The following PDE1C variants were observed in gnomAD, a reference collection of about 807,000 sequenced individuals.
The protein encoded by PDE1C is phosphodiesterase 1C, also known as dual specificity calcium/calmodulin-dependent 3',5'-cyclic nucleotide phosphodiesterase 1C.
PDE1C carries 62 observed loss-of-function variants against 93.1 expected under a neutral mutation model. The ratio of observed to expected loss-of-function variants is 0.67; its 90% CI spans 0.54 to 0.82. PDE1C has a LOEUF of 0.82. Among genes scored for constraint, PDE1C ranks in the 40% least tolerant of loss-of-function variants. The pLI is 0.00. For synonymous variants in PDE1C, 325 were observed against 310.1 expected (o/e 1.05, Z -0.50); for missense variants, 742 against 884.6 (o/e 0.84, Z 2.04).
intron 15 of PDE1C, among the ~76,000 whole-genome samples, chr7:31,812,994 AG>A (rs757467092): frequency 1.5e-4 from 23 of 152,128 alleles, no homozygotes; most frequent in South Asian, 4.1e-4. Flanking sequence ...CATGGGAATG[AG>A]TTTTTCTACC....
chr7:31,791,678 C>T (rs1208179100), intron 16 of PDE1C, among the ~76,000 whole-genome samples: 1 of 152,000 alleles, frequency 6.6e-6, no homozygotes, highest in Non-Finnish European at 1.5e-5. Context: ...TAATAACAGA[C>T]CCATTGGTTG....
At position 32,030,529 on chromosome 7, in the gene PDE1C, A is replaced by G. The variant is rs559037150; in HGVS notation, c.128+21025T>C. ...AAACTGAAGACATCAGTAGGCTTCT[A>G]CGTACATGTTGATGGGGTTTCAGAC... On this transcript the variant is annotated intron_variant, in intron 2 of 17. Coordinates refer to ENST00000396191, the MANE Select transcript of PDE1C (RefSeq NM_001191057.4). Among the ~76,000 whole-genome samples the G allele has an allele frequency of 7.9e-5, 12 of 152,226 alleles. No homozygotes were observed. The East Asian group carries it at 2.1e-3, about 27-fold the overall frequency.
At chr7:31,766,421 A>G (rs1453644836) in intron 17 of PDE1C, among the ~76,000 whole-genome samples, 1 of 152,168 alleles carries the variant, frequency 6.6e-6, no homozygotes, top group Non-Finnish European at 1.5e-5. Flanking sequence ...TCATTTAAGC[A>G]TACAGAAATG....
chr7:32,071,377 G>A, upstream of PDE1C: 2 of 985,450 alleles, frequency 2.0e-6, no homozygotes, highest in Non-Finnish European at 2.4e-6. Context: ...ATATTGAAGC[G>A]ACTGATGGGG....
intron 9 of PDE1C, among the ~76,000 whole-genome samples, chr7:31,843,977 A>C (rs919000937): frequency 3.3e-5 from 5 of 151,764 alleles, no homozygotes. Flanking sequence ...TGTAACATTT[A>C]AAAATCCTGC....
intron 16 of PDE1C, chr7:31,790,164 AAGG>A (rs1330484837): frequency 9.4e-6 from 15 of 1,599,938 alleles, no homozygotes; most frequent in Non-Finnish European, 1.2e-5. Context: ...TTTGTGGAAG[AAGG>A]AGAAGAAGGA....
chr7:31,827,413 CAA>C (rs1331820194), intron 12 of PDE1C, among the ~76,000 whole-genome samples: 3 of 152,114 alleles, frequency 2.0e-5, no homozygotes, highest in Non-Finnish European at 4.4e-5. Flanking sequence ...GTACTAGGTA[CAA>C]AAGTCTACCT....
At chr7:31,847,642 T>C (rs1792800219) in intron 9 of PDE1C, among the ~76,000 whole-genome samples, 1 of 152,258 alleles carries the variant, frequency 6.6e-6, no homozygotes, top group Admixed American at 6.5e-5. Flanking sequence ...TTTAGGACAA[T>C]ATTGAATTAT....
chr7:32,113,589 T>C (rs1798808247), intron 3 of PDE1C, among the ~76,000 whole-genome samples: 1 of 151,888 alleles, frequency 6.6e-6, no homozygotes, highest in Non-Finnish European at 1.5e-5. Flanking sequence ...TACTGAACCA[T>C]CTTTGAATTT....
At chr7:32,423,597 T>C (rs1300284601) in intron 1 of PDE1C, among the ~76,000 whole-genome samples, 2 of 152,204 alleles carry the variant, frequency 1.3e-5, no homozygotes, top group East Asian at 3.9e-4. Context: ...TCTGTAATTA[T>C]CTCTCCAAGT....
chr7:32,207,762 G>A (rs534419725), intron 2 of PDE1C, among the ~76,000 whole-genome samples: 78 of 152,292 alleles, frequency 5.1e-4, no homozygotes, highest in African/African-American at 1.5e-3. Flanking sequence ...CAGTCATACA[G>A]TTGAGAAGTT....
At chr7:31,657,798 C>G in the PDE1C span, among the ~76,000 whole-genome samples, 4 of 151,854 alleles carry the variant, frequency 2.6e-5, no homozygotes, top group Non-Finnish European at 5.9e-5. Context: ...GTTAGCACAG[C>G]AAAACTTCTC....
At chr7:31,819,681 AG>A (rs1406295234) in intron 14 of PDE1C, among the ~76,000 whole-genome samples, 5 of 152,144 alleles carry the variant, frequency 3.3e-5, no homozygotes, top group African/African-American at 1.2e-4. Flanking sequence ...GTGGAGAGCC[AG>A]TTCTACCCCA....
At chr7:31,917,788 A>G (rs554561126) in intron 2 of PDE1C, among the ~76,000 whole-genome samples, 3 of 152,330 alleles carry the variant, frequency 2.0e-5, no homozygotes, top group East Asian at 3.9e-4. Flanking sequence ...ATATTCCTAT[A>G]TAATCATGAT....
In PDE1C at chr7:31,836,310, T is replaced by C. The variant is rs570236645; in HGVS notation, c.1203+870A>G. On this transcript the variant is annotated intron_variant, in intron 11 of 17. Coordinates refer to ENST00000396191, the MANE Select transcript of PDE1C (RefSeq NM_001191057.4). ...AATTTTAAAATTTGTTTTTAAACAA[T>C]TTATAATAATTAAAGATCCTGCCTG... Among the ~76,000 whole-genome samples the C allele has an allele frequency of 9.3e-5, 14 of 151,268 alleles. No homozygotes were observed. In the South Asian group the frequency reaches 3.0e-3, roughly 32 times the overall value.
At chr7:31,849,334 G>T (rs1304701422) in intron 8 of PDE1C, among the ~76,000 whole-genome samples, 3 of 152,126 alleles carry the variant, frequency 2.0e-5, no homozygotes, top group Non-Finnish European at 4.4e-5. Context: ...CAGAGCAAAG[G>T]TTCCACCCAC....
chr7:32,379,033 A>T (rs1441953204), intron 1 of PDE1C, among the ~76,000 whole-genome samples: 1 of 151,880 alleles, frequency 6.6e-6, no homozygotes, highest in Non-Finnish European at 1.5e-5. Context: ...TGAAGTCCAA[A>T]CTCTTTAATG....
chr7:31,893,530 G>A (rs1798903659), intron 2 of PDE1C: 1 of 978,742 alleles, frequency 1.0e-6, no homozygotes, highest in African/African-American at 1.8e-5. Context: ...TGTAGATGAA[G>A]AATGGGACTC....
chr7:32,236,574 A>G (rs1300149451), intron 1 of PDE1C, among the ~76,000 whole-genome samples: 2 of 152,198 alleles, frequency 1.3e-5, no homozygotes, highest in Non-Finnish European at 2.9e-5. Context: ...TTATCTATTA[A>G]GGAAATGCCA....
Sources: gnomAD v4.1 joint callset for allele counts (sites outside exome capture counted in the v4.1 genomes callset) on GRCh38, gnomAD v4.1.1 for gene constraint, MANE v1.5 for transcripts, NCBI Gene and HGNC (gene_info 2026-07-23, HGNC 2026-07-21) for gene names.